Variants in HVCN1 observed in about 807,000 individuals in gnomAD.
HVCN1 encodes voltage-gated hydrogen channel 1.
Under a neutral mutation model 29.2 loss-of-function variants are expected in HVCN1, and 14 were observed. The observed-to-expected ratio is 0.48, with a 90% CI of 0.32 to 0.75. The LOEUF is 0.75. Among genes scored for constraint, HVCN1 ranks in the 30% least tolerant of loss-of-function variants. HVCN1 has a pLI of 0.04. For synonymous variants in HVCN1, 131 were observed against 133.2 expected (o/e 0.98, Z 0.11); for missense variants, 263 against 341.8 (o/e 0.77, Z 1.82).
At chr12:110,654,471 C>CTT (rs1199046571) in intron 5 of HVCN1, among the ~76,000 whole-genome samples, 59 of 112,526 alleles carry the variant, frequency 5.2e-4, no homozygotes, top group Non-Finnish European at 8.1e-4. Context: ...GGGGGAAATG[C>CTT]TTTTTTTTTT....
chr12:110,695,792 A>G (rs1401501125), intron 2 of HVCN1, among the ~76,000 whole-genome samples: 1 of 152,214 alleles, frequency 6.6e-6, no homozygotes, highest in Non-Finnish European at 1.5e-5. Context: ...GCTTGGCCTT[A>G]TGAGGCCAAA....
Position 110,648,791 on chromosome 12 carries a change from A to G in HVCN1, c.*619T>C. 3.5e-6 allele frequency: 1 copy of G among 285,336 alleles called. No homozygotes were observed. Among genetic ancestry groups the G allele is most frequent in the Non-Finnish European group, 6.6e-6 (1 of 151,186 alleles). The allele number at this position is 285,336 out of a possible 1,614,324, so 17.7% of individuals were successfully genotyped here. A position where few individuals can be genotyped will look rare whatever the true frequency, so the allele number is the denominator to read the frequency against. ...TACAGTAGGAGGGTCCAGGGAAAAG[A>G]GAGAGTTTATTTTATACAGTAGTTG... On this transcript the variant is annotated 3_prime_UTR_variant, in exon 8 of 8. Transcript: ENST00000242607.
upstream of HVCN1, among the ~76,000 whole-genome samples, chr12:110,693,877 C>T (rs542072995): frequency 6.6e-6 from 1 of 152,302 alleles, no homozygotes; most frequent in East Asian, 1.9e-4. Context: ...ATGTCAAAGG[C>T]CCCAGATTAC....
At chr12:110,672,683 T>G (rs2068623804) in intron 3 of HVCN1, among the ~76,000 whole-genome samples, 1 of 152,180 alleles carries the variant, frequency 6.6e-6, no homozygotes, top group African/African-American at 2.4e-5. Context: ...AGAATTCTCA[T>G]GTGTTGCTGG....
chr12:110,670,586 G>C (rs924042886), intron 3 of HVCN1, among the ~76,000 whole-genome samples: 1 of 152,142 alleles, frequency 6.6e-6, no homozygotes, highest in Admixed American at 6.5e-5. Context: ...GGTGAGGGGG[G>C]GCCTTGTCCA....
intron 1 of HVCN1, 124 bp downstream of exon 1, chr12:110,688,956 G>C (rs1456037797): frequency 6.8e-6 from 1 of 147,564 alleles, no homozygotes; most frequent in Admixed American, 6.8e-5. Context: ...GCTCCACGGC[G>C]AGGCCTGGAC....
chr12:110,676,711 A>G lies in HVCN1; in HGVS notation c.21+6514T>C, dbSNP rs939991623. ...GTGACCCCAAGGACCTCTGCCCCCAACCCAGGAGAGGGCTCTGGAAGCTTG... is the reference window on the plus strand; with the variant it reads ...GTGACCCCAAGGACCTCTGCCCCCAGCCCAGGAGAGGGCTCTGGAAGCTTG... On this transcript the variant is annotated intron_variant, in intron 3 of 7. Coordinates refer to ENST00000242607, the MANE Select transcript of HVCN1 (RefSeq NM_032369.4). The surrounding 1 kb of genome is among the most constrained non-coding windows in gnomAD (Gnocchi z 4.1). Among the ~76,000 whole-genome samples the G allele has an allele frequency of 1.3e-5, 2 of 152,128 alleles. No homozygotes were observed. Among genetic ancestry groups the G allele is most frequent in the East Asian group, 3.9e-4 (2 of 5,166 alleles).
At chr12:110,683,898 A>G (rs1350083373) in intron 2 of HVCN1, among the ~76,000 whole-genome samples, 3 of 149,248 alleles carry the variant, frequency 2.0e-5, no homozygotes, top group Non-Finnish European at 4.4e-5. Context: ...GCAACAGAAC[A>G]AGACTCTATC....
rs896632119 is a variant in HVCN1 at position 110,699,674 on chromosome 12, C to T, written c.-104+2635G>A. Among the ~76,000 whole-genome samples, 8 of 151,988 alleles carry T rather than the reference C, an allele frequency of 5.3e-5. 1 individual carries two copies. Among genetic ancestry groups the T allele is most frequent in the South Asian group, 2.1e-4 (1 of 4,822 alleles). ...GTGAAATGGCCAGTGATGATGATAA[C>T]GGGGAGATAACAGCGCCGCTGCCCC... On this transcript the variant is annotated intron_variant, in intron 2 of 4. Coordinates refer to the HVCN1 transcript ENST00000546713.
rs76053792 is a variant in HVCN1 at position 110,685,150 on chromosome 12, T to C, written c.-19-1886A>G. Among the ~76,000 whole-genome samples the C allele has an allele frequency of 4.6e-3, 700 of 152,318 alleles. 4 individuals carry two copies. Among genetic ancestry groups the C allele is most frequent in the African/African-American group, 0.016 (680 of 41,564 alleles). On this transcript the variant is annotated intron_variant, in intron 2 of 7. Transcript: ENST00000242607. ...AGGGAATGATTTTGGATTATCCTAG[T>C]GGACCCAATGTCATCAGAGGGGTCT...
chr12:110,652,635 A>T (rs981144982), intron 5 of HVCN1, among the ~76,000 whole-genome samples: 1 of 152,228 alleles, frequency 6.6e-6, no homozygotes, highest in African/African-American at 2.4e-5. Context: ...GAATAAAAAA[A>T]TTCACAGTGC....
intron 3 of HVCN1, among the ~76,000 whole-genome samples, chr12:110,678,928 G>C (rs1007686714): frequency 2.0e-5 from 3 of 152,170 alleles, no homozygotes; most frequent in Non-Finnish European, 4.4e-5. Flanking sequence ...CAGGAGCAGG[G>C]GCTGTGCTAT....
chr12:110,703,195 T>C (rs2069578628), intron 1 of HVCN1, among the ~76,000 whole-genome samples: 1 of 130,654 alleles, frequency 7.7e-6, no homozygotes, highest in African/African-American at 3.0e-5. Context: ...CATAGTAAGG[T>C]CATGTCTCTA....
At chr12:110,693,917 G>A (rs937816413), upstream of HVCN1, among the ~76,000 whole-genome samples, 1 of 152,176 alleles carries the variant, frequency 6.6e-6, no homozygotes, top group Non-Finnish European at 1.5e-5. Flanking sequence ...TTAGATGAAG[G>A]ACTTGTTCCG....
rs1046494588 is a variant in HVCN1 at position 110,695,651 on chromosome 12, C to G, written c.-104+6658G>C. Among the ~76,000 whole-genome samples the G allele has an allele frequency of 2.3e-4, 35 of 152,166 alleles. 1 individual carries two copies. Among genetic ancestry groups the G allele is most frequent in the Admixed American group, 1.3e-4 (2 of 15,272 alleles). On this transcript the variant is annotated intron_variant, in intron 2 of 4. Transcript: ENST00000546713. ...ATGCAGATCCACTGAGGCAGGACAG[C>G]AGGGAAGGGGTCTCTGAGGAGGTGA...
upstream of HVCN1, among the ~76,000 whole-genome samples, chr12:110,693,458 C>T (rs1214218858): frequency 1.3e-5 from 2 of 151,910 alleles, no homozygotes; most frequent in African/African-American, 2.4e-5. Flanking sequence ...GCAGAAGAAT[C>T]GCTTGAACCC....
rs999474770 is a variant in HVCN1, at chr12:110,658,708, T to C, written c.306+2456A>G. Among the ~76,000 whole-genome samples, 1 of 152,036 alleles carries C rather than the reference T, an allele frequency of 6.6e-6. No homozygotes were observed. ...AGGGCTTCTCTCCATTTGTAACCAA[T>C]GTGTGTCTCAGTGATGGCTCCCGTC... On this transcript the variant is annotated intron_variant, in intron 4 of 7. Transcript: ENST00000242607. The surrounding 1 kb of genome is among the most constrained non-coding windows in gnomAD (Gnocchi z 5.0).
At chr12:110,662,721 A>T (rs2068219563) in intron 3 of HVCN1, among the ~76,000 whole-genome samples, 1 of 152,090 alleles carries the variant, frequency 6.6e-6, no homozygotes. Flanking sequence ...CAAACAAACA[A>T]CACAAAAACA....
At position 110,655,261 on chromosome 12, in the gene HVCN1, C is replaced by G. The variant is rs1159299472; in HGVS notation, c.384G>C (p.Gln128His). Reference sequence around the variant, plus strand: ...TGGCAGCATAGTTATTCTTGTCGGGCTGGATGATCTTCAGGTCCAGGATGA... The same window carrying G: ...TGGCAGCATAGTTATTCTTGTCGGGGTGGATGATCTTCAGGTCCAGGATGA... ...AELILDLKII[Q>H]PDKNNYAAMV... Residue 128 changes from glutamine to histidine, a missense_variant, in exon 5 of 8, where the codon CAG (glutamine) becomes CAC (histidine). By Grantham distance (24) the Gln-to-His change is conservative. Around this residue, in one of 3 missense-constraint regions of HVCN1, gnomAD observed 157 missense variants for 181.3 expected, o/e 0.87. Transcript: ENST00000242607. The G allele has an allele frequency of 6.2e-7, 1 of 1,613,674 alleles. No individual in the cohort carries two copies. Among genetic ancestry groups the G allele is most frequent in the Admixed American group, 1.7e-5 (1 of 59,988 alleles).
Sources: gnomAD v4.1 joint callset for allele counts (sites outside exome capture counted in the v4.1 genomes callset) on GRCh38, gnomAD v4.1.1 for gene constraint, gnomAD v4.1.1 regional missense constraint, Gnocchi (gnomAD v3.1) non-coding constraint, MANE v1.5 for transcripts, NCBI Gene and HGNC (gene_info 2026-07-23, HGNC 2026-07-21) for gene names.